TET1: variants seen among roughly 807,000 people sequenced by gnomAD.
The protein encoded by TET1 is methylcytosine dioxygenase TET1.
A neutral mutation model predicts 148.7 loss-of-function variants in TET1; 13 were observed. The observed-to-expected ratio is 0.09, with a 90% CI of 0.06 to 0.14. The LOEUF (loss-of-function observed/expected upper bound fraction) is 0.14, where lower values mean the gene tolerates loss of function less well. Among genes scored for constraint, TET1 ranks in the 10% least tolerant of loss-of-function variants. The probability of loss-of-function intolerance (pLI) is 1.00; values close to 1 mark genes in which losing one functional copy is unlikely to be tolerated. For missense variants in TET1, 2,182 were observed against 2,553.8 expected (o/e 0.85, Z 3.14); for synonymous variants, 907 against 937.2 (o/e 0.97, Z 0.59).
chr10:68,614,638 A>G (rs1339584755), intron 3 of TET1, among the ~76,000 whole-genome samples: 2 of 152,084 alleles, frequency 1.3e-5, no homozygotes, highest in African/African-American at 4.8e-5. Flanking sequence ...TGCCTCAGCC[A>G]CCTGAGTAGC....
chr10:68,682,332 G>A (rs538869198), intron 9 of TET1, among the ~76,000 whole-genome samples: 7 of 151,740 alleles, frequency 4.6e-5, no homozygotes, highest in African/African-American at 9.7e-5. Flanking sequence ...GGCTGCTCTC[G>A]AACTCCTGGC....
At chr10:68,625,988 G>A (rs115133904) in intron 3 of TET1, among the ~76,000 whole-genome samples, 1 of 151,690 alleles carries the variant, frequency 6.6e-6, no homozygotes, top group African/African-American at 2.4e-5. Context: ...GAAGGCTGAG[G>A]GGGGAGAATC....
intron 2 of TET1, among the ~76,000 whole-genome samples, chr10:68,591,460 G>A (rs1052034550): frequency 6.6e-6 from 1 of 152,194 alleles, no homozygotes; most frequent in African/African-American, 2.4e-5. Context: ...AAGCATCTGT[G>A]CAGTACAGGG....
intron 2 of TET1, among the ~76,000 whole-genome samples, chr10:68,585,331 A>C (rs2053849261): frequency 6.6e-6 from 1 of 151,762 alleles, no homozygotes; most frequent in African/African-American, 2.4e-5. Context: ...ACGTGATTTC[A>C]CCATGTTGAC....
rs755703358 is a variant in TET1 at position 68,645,873 on chromosome 10, C to T, written c.3144C>T (p.Cys1048=). 6.2e-7 allele frequency: 1 copy of T among 1,613,854 alleles called. No individual in the cohort carries two copies. The highest frequency in any genetic ancestry group is 8.5e-7 in the Non-Finnish European group (1 of 1,179,974). ...LPPRNNEVEY[C]NQLLDSSKKL... ...CAAGAAATAATGAAGTGGAGTATTG[C>T]AACCAGTTACTGGACAGCAGCAAAA... is the stretch of plus-strand genomic sequence containing the variant. Residue 1048 remains cysteine (C), a synonymous_variant, in exon 4 of 12, where the codon TGC becomes TGT. Transcript: ENST00000373644.
intron 3 of TET1, among the ~76,000 whole-genome samples, chr10:68,621,991 A>G (rs574391045): frequency 6.6e-6 from 1 of 152,194 alleles, no homozygotes; most frequent in East Asian, 1.9e-4. Flanking sequence ...ATTCTCTTAT[A>G]CTCTTTATCC....
intron 2 of TET1, among the ~76,000 whole-genome samples, chr10:68,592,290 T>G (rs2053927518): frequency 6.6e-6 from 1 of 152,168 alleles, no homozygotes; most frequent in Non-Finnish European, 1.5e-5. Context: ...CATGCCAGCC[T>G]GGGTGACAAG....
intron 3 of TET1, among the ~76,000 whole-genome samples, chr10:68,601,849 A>C (rs565087810): frequency 6.9e-6 from 1 of 144,466 alleles, no homozygotes; most frequent in East Asian, 1.9e-4. Flanking sequence ...ACTAAGCAAT[A>C]AAATGACTTA....
chr10:68,625,402 G>T (rs1264801662), intron 3 of TET1, among the ~76,000 whole-genome samples: 1 of 152,164 alleles, frequency 6.6e-6, no homozygotes, highest in Non-Finnish European at 1.5e-5. Flanking sequence ...GAGCCTTGGG[G>T]TCTCAAAAGT....
At chr10:68,657,412 G>A (rs1028226301) in intron 6 of TET1, among the ~76,000 whole-genome samples, 34 of 152,208 alleles carry the variant, frequency 2.2e-4, no homozygotes, top group African/African-American at 7.7e-4. Context: ...TCCCGACCTC[G>A]TGATCCGCCC....
At chr10:68,577,208 C>G (rs763471792) in intron 2 of TET1, among the ~76,000 whole-genome samples, 3 of 151,858 alleles carry the variant, frequency 2.0e-5, no homozygotes, top group Non-Finnish European at 4.4e-5. Context: ...CCGTGCCCAG[C>G]CTTAATTTTT....
chr10:68,669,908 T>C (rs1210367314), intron 7 of TET1, among the ~76,000 whole-genome samples: 8 of 152,106 alleles, frequency 5.3e-5, no homozygotes, highest in Non-Finnish European at 7.4e-5. Flanking sequence ...CCTCCCAAAG[T>C]GCTGGGATTA....
intron 4 of TET1, among the ~76,000 whole-genome samples, 167 bp downstream of exon 4, chr10:68,647,172 T>C (rs1240772764): frequency 1.3e-5 from 2 of 152,190 alleles, no homozygotes; most frequent in African/African-American, 2.4e-5. Context: ...GAACTTTTGG[T>C]TCTGCCACAA....
At chr10:68,577,190 G>A (rs1215627464) in intron 2 of TET1, among the ~76,000 whole-genome samples, 4 of 152,104 alleles carry the variant, frequency 2.6e-5, no homozygotes, top group Non-Finnish European at 5.9e-5. Context: ...GATTACAGGC[G>A]TGAGCCACCG....
chr10:68,562,470 T>C (rs2133657309), intron 1 of TET1, among the ~76,000 whole-genome samples: 1 of 152,280 alleles, frequency 6.6e-6, no homozygotes, highest in Admixed American at 6.5e-5. Context: ...TGTTTCCGAT[T>C]TTATCGGTAT....
chr10:68,626,350 C>G (rs546904108), intron 3 of TET1, among the ~76,000 whole-genome samples: 2 of 151,498 alleles, frequency 1.3e-5, no homozygotes, highest in South Asian at 4.2e-4. Flanking sequence ...GACCTAGATA[C>G]TATTTATTTG....
rs117391221 is a variant in TET1 at position 68,637,961 on chromosome 10, G to A, written c.1969-6737G>A. Among the ~76,000 whole-genome samples, 183 of 151,992 alleles carry A rather than the reference G, an allele frequency of 1.2e-3. 6 individuals carry two copies. In the East Asian group the frequency reaches 0.026, roughly 22 times the overall value. On this transcript the variant is annotated intron_variant, in intron 3 of 11. Coordinates refer to ENST00000373644, the MANE Select transcript of TET1 (RefSeq NM_030625.3). ...CGCCTGGCTAATTTTTGTAGTTTTC[G>A]TAGAGCCAGGGTTTTGCCATGTTGG...
At chr10:68,596,888 T>C (rs2053994688) in intron 2 of TET1, among the ~76,000 whole-genome samples, 1 of 152,098 alleles carries the variant, frequency 6.6e-6, no homozygotes, top group South Asian at 2.1e-4. Flanking sequence ...TATGGCTTCA[T>C]GAGTATCCTA....
chr10:68,617,324 A>G (rs1032638594), intron 3 of TET1, among the ~76,000 whole-genome samples: 5 of 151,378 alleles, frequency 3.3e-5, no homozygotes, highest in Admixed American at 2.6e-4. Flanking sequence ...GCGCCTGGCC[A>G]ATTTTTAAAC....
Sources: allele counts gnomAD v4.1 joint callset (sites outside exome capture counted in the v4.1 genomes callset), GRCh38; gene constraint gnomAD v4.1.1; transcripts MANE v1.5; gene names NCBI Gene and HGNC (gene_info 2026-07-23, HGNC 2026-07-21).